The following ASB11 variants were observed in gnomAD, a reference collection of about 807,000 sequenced individuals.
The protein encoded by ASB11 is ankyrin repeat and SOCS box protein 11.
A neutral mutation model predicts 20.1 loss-of-function variants in ASB11; 17 were observed. The ratio of observed to expected loss-of-function variants is 0.85; its 90% CI spans 0.58 to 1.27. ASB11 has a LOEUF of 1.27. Ranked by LOEUF, ASB11 falls within the 50% of genes most tolerant of loss-of-function variation. The pLI, the probability that ASB11 is intolerant of heterozygous loss-of-function variation, is 0.00. For missense variants in ASB11, 259 were observed against 256.9 expected (o/e 1.01, Z -0.06); for synonymous variants, 107 against 105.6 (o/e 1.01, Z -0.08).
intron 1 of ASB11, among the ~76,000 whole-genome samples, chrX:15,307,567 C>T (rs1443677520): frequency 8.9e-6 from 1 of 112,313 alleles, no homozygotes; most frequent in African/African-American, 3.2e-5. Flanking sequence ...AGTAATGTCC[C>T]TCACCTGCCG....
At chrX:15,291,833 G>A (rs1041777431) in intron 4 of ASB11, 13 of 109,867 alleles carry the variant, frequency 1.2e-4, no homozygotes, top group African/African-American at 3.3e-4. Context: ...GGTCGAGTTC[G>A]AGACCAGAGT....
intron 2 of ASB11, 30 bp from the exon 3 acceptor site, chrX:15,297,711 A>AT (rs1037305516): frequency 4.3e-6 from 5 of 1,170,540 alleles, no homozygotes; most frequent in Non-Finnish European, 5.8e-6. Flanking sequence ...GAGTTTATTT[A>AT]TTTTTTACAG....
chrX:15,301,053 G>A (rs1392856412), intron 2 of ASB11, among the ~76,000 whole-genome samples: 3 of 110,987 alleles, frequency 2.7e-5, no homozygotes, highest in East Asian at 5.6e-4. Flanking sequence ...CCTCCACCCC[G>A]CCAGGTTCAA....
At chrX:15,291,487 C>T (rs890880448) in intron 4 of ASB11, among the ~76,000 whole-genome samples, 2 of 110,953 alleles carry the variant, frequency 1.8e-5, no homozygotes, top group African/African-American at 6.5e-5. Flanking sequence ...GGGTGGATCA[C>T]CTGAGGTCAG....
At chrX:15,303,826 T>C (rs996469077) in intron 1 of ASB11, among the ~76,000 whole-genome samples, 3 of 112,277 alleles carry the variant, frequency 2.7e-5, no homozygotes, top group African/African-American at 6.5e-5. Flanking sequence ...GCTCCGGACA[T>C]TGTATGATTA....
chrX:15,307,886 G>A (rs768603701), intron 1 of ASB11, among the ~76,000 whole-genome samples: 2 of 111,890 alleles, frequency 1.8e-5, no homozygotes, highest in Non-Finnish European at 3.8e-5. Context: ...CTTTCATGAA[G>A]AGTTTCTAAA....
intron 6 of ASB11, among the ~76,000 whole-genome samples, chrX:15,286,785 G>A (rs976278655): frequency 9.1e-6 from 1 of 109,887 alleles, no homozygotes; most frequent in Non-Finnish European, 1.9e-5. Flanking sequence ...ATTTGTACCT[G>A]GCATAGCAAC....
intron 1 of ASB11, among the ~76,000 whole-genome samples, chrX:15,309,984 A>AAAAAAAAAAAAAAAAAAAAAAAAC (rs1344859609): frequency 9.6e-6 from 1 of 104,052 alleles, no homozygotes; most frequent in Non-Finnish European, 2.0e-5. Flanking sequence ...AAAAAAAAAA[A>AAAAAAAAAAAAAAAAAAAAAAAAC]AAAAAAAGTA....
intron 1 of ASB11, among the ~76,000 whole-genome samples, chrX:15,312,482 G>A (rs1235981650): frequency 1.1e-5 from 1 of 88,137 alleles, no homozygotes. Context: ...TATTTAATGA[G>A]GCATGTGGTG....
chrX:15,289,674 G>A lies in ASB11; in HGVS notation c.521-36C>T, dbSNP rs757644935. The A allele has an allele frequency of 4.2e-6, 5 of 1,182,751 alleles. No individual in the cohort carries two copies. The South Asian group carries it at 9.3e-5, about 22-fold the overall frequency. ...ACAAGATACCCTCACTCAAGTAAGGGACATATTAAATATTAACAGAATTAT... is the reference window on the plus strand; with the variant it reads ...ACAAGATACCCTCACTCAAGTAAGGAACATATTAAATATTAACAGAATTAT... On this transcript the variant is annotated intron_variant, in intron 4 of 6. Coordinates refer to ENST00000480796, the MANE Select transcript of ASB11 (RefSeq NM_080873.3).
chrX:15,287,007 C>T lies in ASB11; in HGVS notation c.847+874G>A, dbSNP rs139106385. ...TAAGAGGTTCTCTTCTGAATTGGTT[C>T]TCTTCTGAATTTCAGATGCTCGCCT... On this transcript the variant is annotated intron_variant, in intron 6 of 6. Transcript: ENST00000480796. Among the ~76,000 whole-genome samples the T allele has an allele frequency of 7.4e-3, 824 of 112,064 alleles. 2 individuals carry two copies. Among genetic ancestry groups the T allele is most frequent in the Middle Eastern group, 0.019 (4 of 216 alleles).
chrX:15,286,692 A>G (rs369335076), intron 6 of ASB11, among the ~76,000 whole-genome samples: 20 of 102,645 alleles, frequency 1.9e-4, no homozygotes, highest in African/African-American at 6.8e-4. Context: ...AAAAGTGCAC[A>G]CTCTGGGGTC....
At chrX:15,314,327 TA>T in intron 1 of ASB11, 1 of 1,073,245 alleles carries the variant, frequency 9.3e-7, no homozygotes, top group Non-Finnish European at 1.2e-6. Flanking sequence ...TCAGAAGCAT[TA>T]CTTTTTTTTT....
chrX:15,315,609 G>A lies in ASB11; in HGVS notation c.-4C>T. The A allele has an allele frequency of 8.7e-7, 1 of 1,155,059 alleles. No individual in the cohort carries two copies. The highest frequency in any genetic ancestry group is 1.2e-6 in the Non-Finnish European group (1 of 867,561). On this transcript the variant is annotated 5_prime_UTR_variant, in exon 1 of 7. Coordinates refer to ENST00000480796, the MANE Select transcript of ASB11 (RefSeq NM_080873.3). Reference sequence around the variant, plus strand: ...AGAAAACAGGACCATCTTCCATTTTGGCTTATGCTCTGTATAGGGTCCTAG... The same window carrying A: ...AGAAAACAGGACCATCTTCCATTTTAGCTTATGCTCTGTATAGGGTCCTAG...
chrX:15,308,538 C>T (rs944694674), intron 1 of ASB11, among the ~76,000 whole-genome samples: 1 of 111,548 alleles, frequency 9.0e-6, no homozygotes, highest in Non-Finnish European at 1.9e-5. Context: ...TGCCCCTTAT[C>T]TAAACTTGTA....
rs1377922574 is a variant in ASB11, at chrX:15,315,487, A to T, written c.119T>A (p.Ile40Asn). Reference protein sequence around the residue: ...VFLALLTHFYIVKGNRKEAAR... With the variant: ...VFLALLTHFYNVKGNRKEAAR... Reference sequence around the variant, plus strand: ...CGCTTCTTTTCTATTTCCTTTGACGATATAGAAATGGGTTAGGAGAGCCAA... The same window carrying T: ...CGCTTCTTTTCTATTTCCTTTGACGTTATAGAAATGGGTTAGGAGAGCCAA... Residue 40 changes from isoleucine (I) to asparagine (N), a missense_variant, in exon 1 of 7, where the codon ATC (isoleucine) becomes AAC (asparagine). Physicochemically the swap from Ile to Asn is moderately radical, Grantham distance 149. Transcript: ENST00000480796. 3 of 1,186,017 alleles carry T rather than the reference A, an allele frequency of 2.5e-6. No individual in the cohort carries two copies. Among genetic ancestry groups the T allele is most frequent in the Non-Finnish European group, 3.4e-6 (3 of 886,002 alleles).
At position 15,297,652 on chromosome X, in the gene ASB11, GTTAA is replaced by G. The variant is rs1225534566; in HGVS notation, c.287_290del (p.Ile96ThrfsTer31). 43 of 1,208,740 alleles carry G rather than the reference GTTAA, an allele frequency of 3.6e-5. No individual in the cohort carries two copies. The highest frequency in any genetic ancestry group is 4.8e-5 in the Non-Finnish European group (43 of 894,212). On this transcript the variant is annotated frameshift_variant, in exon 3 of 7. Transcript: ENST00000480796. LOFTEE classifies it high-confidence loss of function. ...ATGCCTCGTGGAGAGAAGACACCCG[GTTAA>G]TTGTCACAAGGTTCACATTGACACC...
At chrX:15,297,755 C>T (rs887574140) in intron 2 of ASB11, 74 bp from the exon 3 acceptor site, 3 of 977,296 alleles carry the variant, frequency 3.1e-6, no homozygotes, top group Non-Finnish European at 4.3e-6. Context: ...AGGCTGGTCT[C>T]AAACTCCTGG....
intron 3 of ASB11, among the ~76,000 whole-genome samples, chrX:15,295,570 G>T (rs184016708): frequency 3.0e-4 from 33 of 111,576 alleles, no homozygotes; most frequent in Admixed American, 1.2e-3. Context: ...ATGAGGAGCA[G>T]GTCCCAGAGG....
Sources: gnomAD v4.1 joint callset for allele counts (sites outside exome capture counted in the v4.1 genomes callset) on GRCh38, gnomAD v4.1.1 for gene constraint, MANE v1.5 for transcripts, NCBI Gene and HGNC (gene_info 2026-07-23, HGNC 2026-07-21) for gene names.